ERI1: variants seen among roughly 807,000 people sequenced by gnomAD.
ERI1 encodes 3'-5' exoribonuclease 1.
A neutral mutation model predicts 39.7 loss-of-function variants in ERI1; 39 were observed. The ratio of observed to expected loss-of-function variants is 0.98; its 90% confidence interval spans 0.76 to 1.28. ERI1 has a LOEUF of 1.28. Ranked by LOEUF, ERI1 falls within the 50% of genes most tolerant of loss-of-function variation. ERI1 has a pLI of 0.00. For missense variants in ERI1, 581 were observed against 416.9 expected (o/e 1.39, Z -3.43); for synonymous variants, 204 against 149.6 (o/e 1.36, Z -2.65).
At position 9,028,204 on chromosome 8, in the gene ERI1, C is replaced by A. The variant is rs111740771; in HGVS notation, c.808-1588C>A. On this transcript the variant is annotated intron_variant, in intron 6 of 6. Coordinates refer to ENST00000250263, the MANE Select transcript of ERI1 (RefSeq NM_153332.4). ...AGCAGCAAAGCTATCTGGTTCAGCG[C>A]TTTTCTTTGTTAGAGGTTTTCAGTT... Among the ~76,000 whole-genome samples, 568 of 152,258 alleles carry A rather than the reference C, an allele frequency of 3.7e-3. 5 individuals are homozygous for A. The highest frequency in any genetic ancestry group is 6.0e-3 in the Non-Finnish European group (406 of 68,008).
intron 3 of ERI1, among the ~76,000 whole-genome samples, chr8:9,051,671 G>A (rs1277729566): frequency 1.4e-5 from 2 of 145,932 alleles, no homozygotes; most frequent in East Asian, 1.9e-4. Flanking sequence ...AAAAAAAAAA[G>A]AAGCACGACT....
chr8:9,041,185 A>G (rs769073053), intron 3 of ERI1, among the ~76,000 whole-genome samples: 6 of 152,260 alleles, frequency 3.9e-5, no homozygotes, highest in Non-Finnish European at 8.8e-5. Flanking sequence ...GGGAATTCCA[A>G]GCAACAACGT....
chr8:9,046,624 T>C (rs760671845), intron 3 of ERI1, among the ~76,000 whole-genome samples: 41 of 152,174 alleles, frequency 2.7e-4, no homozygotes, highest in African/African-American at 8.9e-4. Flanking sequence ...GTATGAAATA[T>C]CAACTTTCTC....
chr8:9,023,240 TTG>T (rs927585916), intron 6 of ERI1, among the ~76,000 whole-genome samples: 54 of 152,174 alleles, frequency 3.5e-4, no homozygotes, highest in Non-Finnish European at 5.9e-4. Context: ...ATTTGTCCTG[TTG>T]TGTTTCCCCT....
intron 3 of ERI1, among the ~76,000 whole-genome samples, chr8:9,063,050 C>T (rs865932386): frequency 6.6e-6 from 1 of 152,180 alleles, no homozygotes; most frequent in South Asian, 2.1e-4. Context: ...TTGGCTGCCT[C>T]TACTTTATTA....
At chr8:9,035,672 C>T (rs1797820547), downstream of ERI1, among the ~76,000 whole-genome samples, 1 of 152,196 alleles carries the variant, frequency 6.6e-6, no homozygotes, top group Non-Finnish European at 1.5e-5. Flanking sequence ...TGCCTACAAA[C>T]ACAATATCCA....
intron 3 of ERI1, among the ~76,000 whole-genome samples, chr8:9,046,447 C>T (rs960760476): frequency 2.6e-5 from 4 of 152,214 alleles, no homozygotes; most frequent in Non-Finnish European, 5.9e-5. Flanking sequence ...CACTCCTCTC[C>T]TTGCTTCCAT....
At chr8:9,037,888 A>G (rs1797901844), downstream of ERI1, among the ~76,000 whole-genome samples, 1 of 47,632 alleles carries the variant, frequency 2.1e-5, no homozygotes, top group Non-Finnish European at 6.1e-5. Context: ...TACATTGCTG[A>G]TTTAAAAAAA....
At position 9,031,338 on chromosome 8, in the gene ERI1, C is replaced by T. The variant is rs1429786561; in HGVS notation, c.*1304C>T. On this transcript the variant is annotated 3_prime_UTR_variant, in exon 7 of 7. Transcript: ENST00000250263. ...ACATAGGGCAGTAGATTTCTTAAGC[C>T]AATGAATTTCTGCTTTTCAGCAGTA... 2 of 152,088 alleles carry T rather than the reference C, an allele frequency of 1.3e-5. No individual in the cohort carries two copies. The highest frequency in any genetic ancestry group is 4.8e-5 in the African/African-American group (2 of 41,416). 9.4% of individuals were successfully genotyped at this position (152,088 alleles called of 1,614,324 possible).
intron 3 of ERI1, among the ~76,000 whole-genome samples, chr8:9,095,973 C>A (rs1799866631): frequency 6.6e-6 from 1 of 152,156 alleles, no homozygotes; most frequent in South Asian, 2.1e-4. Flanking sequence ...ATATAGAAAT[C>A]ATAATAATCC....
At chr8:9,010,805 TTCTC>T (rs1165677625) in intron 2 of ERI1, among the ~76,000 whole-genome samples, 2 of 152,170 alleles carry the variant, frequency 1.3e-5, no homozygotes, top group African/African-American at 2.4e-5. Context: ...AGGATGACCT[TTCTC>T]TCCTCCCCAC....
chr8:9,068,551 G>C (rs1204435900), intron 3 of ERI1, among the ~76,000 whole-genome samples: 1 of 152,090 alleles, frequency 6.6e-6, no homozygotes, highest in Non-Finnish European at 1.5e-5. Flanking sequence ...TGGGAGCACT[G>C]GCCAATTGCC....
intron 3 of ERI1, among the ~76,000 whole-genome samples, chr8:9,069,970 G>A (rs1164953680): frequency 1.3e-5 from 2 of 152,084 alleles, no homozygotes; most frequent in Non-Finnish European, 2.9e-5. Flanking sequence ...GGGTGGAGGT[G>A]GCTCATACCT....
intron 3 of ERI1, among the ~76,000 whole-genome samples, chr8:9,060,439 C>T (rs745328453): frequency 1.5e-4 from 23 of 151,208 alleles, no homozygotes; most frequent in Non-Finnish European, 2.7e-4. Context: ...TGATGTGTAG[C>T]GAAGGGAGGG....
At chr8:9,055,829 T>C (rs1252610062) in intron 3 of ERI1, among the ~76,000 whole-genome samples, 2 of 152,186 alleles carry the variant, frequency 1.3e-5, no homozygotes, top group African/African-American at 2.4e-5. Flanking sequence ...CATGAGCCAC[T>C]GTGCCCGGGA....
intron 6 of ERI1, among the ~76,000 whole-genome samples, chr8:9,028,862 G>A (rs1259166890): frequency 3.9e-5 from 6 of 151,984 alleles, no homozygotes; most frequent in Non-Finnish European, 7.4e-5. Context: ...GACCTCAGGT[G>A]ATCCACCTGC....
At chr8:9,041,980 C>G (rs1028153404) in intron 3 of ERI1, among the ~76,000 whole-genome samples, 1 of 152,194 alleles carries the variant, frequency 6.6e-6, no homozygotes, top group East Asian at 1.9e-4. Flanking sequence ...GTGATCCTCC[C>G]ACCTTGGCCT....
Position 9,087,224 on chromosome 8 carries a change from T to C in ERI1, n.300-29124T>C, listed in dbSNP as rs552753406. Reference sequence around the variant, plus strand: ...TTGCCCCCCACCTTCATCTTATTTTTATTTATTTTTAAATTATATTTATTA... The same window carrying C: ...TTGCCCCCCACCTTCATCTTATTTTCATTTATTTTTAAATTATATTTATTA... On this transcript the variant is annotated intron_variant and non_coding_transcript_variant, in intron 3 of 3. Transcript: ENST00000518663. Among the ~76,000 whole-genome samples, 15 of 151,476 alleles carry C rather than the reference T, an allele frequency of 9.9e-5. No homozygotes were observed. The South Asian group carries it at 3.1e-3, about 31-fold the overall frequency.
chr8:9,005,545 C>G (rs935892547), intron 1 of ERI1, among the ~76,000 whole-genome samples: 9 of 143,156 alleles, frequency 6.3e-5, no homozygotes, highest in Non-Finnish European at 9.0e-5. Context: ...GAGGGAGTCT[C>G]TCTCTGTTGC....
Sources: gnomAD v4.1 joint callset for allele counts (sites outside exome capture counted in the v4.1 genomes callset) on GRCh38, gnomAD v4.1.1 for gene constraint, MANE v1.5 for transcripts, NCBI Gene and HGNC (gene_info 2026-07-23, HGNC 2026-07-21) for gene names.